GLI2: variants seen among roughly 807,000 people sequenced by gnomAD.
The protein encoded by GLI2 is GLI family zinc finger 2.
A neutral mutation model predicts 78.9 loss-of-function variants in GLI2; 22 were observed. That is an observed-to-expected ratio of 0.28 (90% CI 0.20 to 0.40). GLI2 has a LOEUF of 0.40. Among genes scored for constraint, GLI2 ranks in the 10% least tolerant of loss-of-function variants. The pLI, the probability that GLI2 is intolerant of heterozygous loss-of-function variation, is 1.00. For synonymous variants in GLI2, 974 were observed against 963.7 expected, an observed-to-expected ratio of 1.01 and a Z score of -0.20; for missense variants, 2,097 against 2,213.2, an observed-to-expected ratio of 0.95 and a Z score of 1.05.
At chr2:120,901,645 G>C (rs1198551008) in intron 2 of GLI2, among the ~76,000 whole-genome samples, 1 of 152,224 alleles carries the variant, frequency 6.6e-6, no homozygotes. Flanking sequence ...ATTTGTGATA[G>C]AATCCTTGCA....
chr2:120,794,908 C>T (rs1423041561), intron 1 of GLI2, among the ~76,000 whole-genome samples: 1 of 152,142 alleles, frequency 6.6e-6, no homozygotes, highest in Admixed American at 6.5e-5. Flanking sequence ...CTTGGGCTTT[C>T]TGGGCAGGGA....
At chr2:120,878,487 C>T (rs1688871731) in intron 2 of GLI2, among the ~76,000 whole-genome samples, 1 of 151,994 alleles carries the variant, frequency 6.6e-6, no homozygotes, top group African/African-American at 2.4e-5. Flanking sequence ...CAGTATGAAT[C>T]CACTGAAATA....
intron 1 of GLI2, among the ~76,000 whole-genome samples, chr2:120,757,312 C>T (rs988102436): frequency 6.1e-5 from 9 of 147,798 alleles, no homozygotes; most frequent in Non-Finnish European, 1.0e-4. Flanking sequence ...ATATTTTTGT[C>T]TTACTATAAA....
chr2:120,938,374 T>C (rs1432178813), intron 3 of GLI2, among the ~76,000 whole-genome samples: 1 of 152,252 alleles, frequency 6.6e-6, no homozygotes, highest in East Asian at 1.9e-4. Flanking sequence ...TTGCAAAAAC[T>C]GATAACCTTC....
At chr2:120,828,988 C>T (rs957752161) in intron 2 of GLI2, among the ~76,000 whole-genome samples, 1 of 152,098 alleles carries the variant, frequency 6.6e-6, no homozygotes, top group African/African-American at 2.4e-5. Context: ...CTTGCTCCTG[C>T]ACACTGACAC....
chr2:120,880,651 A>G (rs771564354), intron 2 of GLI2, among the ~76,000 whole-genome samples: 1 of 152,234 alleles, frequency 6.6e-6, no homozygotes, highest in Non-Finnish European at 1.5e-5. Flanking sequence ...CACCCCAGAC[A>G]GCAAGAAAAC....
At chr2:120,740,012 C>T (rs1352918472) in intron 1 of GLI2, among the ~76,000 whole-genome samples, 1 of 152,130 alleles carries the variant, frequency 6.6e-6, no homozygotes, top group Non-Finnish European at 1.5e-5. Context: ...ACCTTCAACA[C>T]TTTTCTGGTT....
chr2:120,782,399 G>A (rs947104787), intron 1 of GLI2, among the ~76,000 whole-genome samples: 1 of 152,212 alleles, frequency 6.6e-6, no homozygotes, highest in Non-Finnish European at 1.5e-5. Flanking sequence ...TGTGTGGGGT[G>A]CAGTACTAGA....
At chr2:120,785,052 T>G (rs1683957666) in intron 1 of GLI2, among the ~76,000 whole-genome samples, 1 of 152,186 alleles carries the variant, frequency 6.6e-6, no homozygotes, top group Admixed American at 6.5e-5. Context: ...GTCACGGAGC[T>G]GGTCAAACCC....
intron 4 of GLI2, among the ~76,000 whole-genome samples, chr2:120,952,230 C>G (rs551334882): frequency 6.6e-6 from 1 of 152,348 alleles, no homozygotes; most frequent in African/African-American, 2.4e-5. Context: ...CTGTTAGCCA[C>G]TCATTGTCCC....
intron 3 of GLI2, among the ~76,000 whole-genome samples, chr2:120,950,544 C>T (rs1042071070): frequency 3.9e-5 from 6 of 152,248 alleles, no homozygotes; most frequent in Admixed American, 2.0e-4. Context: ...CCCAAGCCAG[C>T]GGCACCAAGC....
intron 2 of GLI2, among the ~76,000 whole-genome samples, chr2:120,803,892 G>A (rs192006399): frequency 7.2e-4 from 109 of 152,236 alleles, no homozygotes; most frequent in Non-Finnish European, 1.3e-3. Context: ...AAGAGTCTCA[G>A]GGGGGGAGAC....
intron 2 of GLI2, among the ~76,000 whole-genome samples, chr2:120,877,647 G>T (rs1688823985): frequency 6.6e-6 from 1 of 152,148 alleles, no homozygotes; most frequent in South Asian, 2.1e-4. Context: ...TTTCTATCTG[G>T]TTGCTTTCTT....
chr2:120,878,565 A>G (rs915642426), intron 2 of GLI2, among the ~76,000 whole-genome samples: 1 of 152,260 alleles, frequency 6.6e-6, no homozygotes, highest in Non-Finnish European at 1.5e-5. Context: ...TTACATACAC[A>G]GTATAAAAGT....
intron 1 of GLI2, among the ~76,000 whole-genome samples, chr2:120,780,035 T>C (rs1441891522): frequency 6.6e-6 from 1 of 152,102 alleles, no homozygotes; most frequent in Admixed American, 6.5e-5. Flanking sequence ...GGTGAAGGAA[T>C]GTGGATTCAG....
intron 1 of GLI2, among the ~76,000 whole-genome samples, chr2:120,794,108 G>A (rs1396771514): frequency 6.6e-6 from 1 of 152,220 alleles, no homozygotes; most frequent in Non-Finnish European, 1.5e-5. Context: ...CTGGCCTGAA[G>A]GTGATGAATG....
chr2:120,863,344 A>G (rs1687986231), intron 2 of GLI2, among the ~76,000 whole-genome samples: 2 of 152,190 alleles, frequency 1.3e-5, no homozygotes, highest in African/African-American at 4.8e-5. Flanking sequence ...TGACCCAGTC[A>G]GTGCTTGCCT....
intron 7 of GLI2, among the ~76,000 whole-genome samples, chr2:120,971,424 C>T (rs555448057): frequency 2.6e-5 from 4 of 152,362 alleles, no homozygotes; most frequent in Admixed American, 6.5e-5. Context: ...GTCCTCTGTT[C>T]CAGAATGTCC....
At chr2:120,946,888 G>A (rs1680733643) in intron 3 of GLI2, among the ~76,000 whole-genome samples, 3 of 152,224 alleles carry the variant, frequency 2.0e-5, no homozygotes, top group Non-Finnish European at 4.4e-5. Context: ...CCTGTGTGAT[G>A]CTGGCAGTTC....
Sources: allele counts gnomAD v4.1 joint callset (sites outside exome capture counted in the v4.1 genomes callset), GRCh38; gene constraint gnomAD v4.1.1; transcripts MANE v1.5; gene names NCBI Gene and HGNC (gene_info 2026-07-23, HGNC 2026-07-21).